Variants in PIK3C2G observed in about 807,000 individuals in gnomAD.
PIK3C2G encodes phosphatidylinositol 3-kinase C2 domain-containing subunit gamma.
Under a neutral mutation model 181.1 loss-of-function variants are expected in PIK3C2G, and 168 were observed. That is an observed-to-expected ratio of 0.93 (90% CI 0.82 to 1.05). The LOEUF (loss-of-function observed/expected upper bound fraction) is 1.05, where lower values mean the gene tolerates loss of function less well. Ranked by LOEUF, PIK3C2G falls within the 50% of genes least tolerant of loss-of-function variation. The pLI is 0.00. For missense variants in PIK3C2G, 1,869 were observed against 1,732.8 expected, an observed-to-expected ratio of 1.08 and a Z score of -1.40; for synonymous variants, 573 against 592.2, an observed-to-expected ratio of 0.97 and a Z score of 0.47.
intron 24 of PIK3C2G, among the ~76,000 whole-genome samples, chr12:18,507,169 A>G (rs1011554128): frequency 6.6e-5 from 10 of 152,098 alleles, no homozygotes; most frequent in Admixed American, 5.2e-4. Flanking sequence ...AGCTGGGACT[A>G]CAGGAGTGTG....
chr12:18,245,584 T>G (rs1565520063), upstream of PIK3C2G, among the ~76,000 whole-genome samples: 1 of 152,150 alleles, frequency 6.6e-6, no homozygotes, highest in East Asian at 1.9e-4. Flanking sequence ...TTACACATTT[T>G]ATTAATTATC....
chr12:18,711,072 G>C, the PIK3C2G span, among the ~76,000 whole-genome samples: 5 of 152,086 alleles, frequency 3.3e-5, no homozygotes, highest in African/African-American at 4.8e-5. Context: ...CTGCTATAAA[G>C]ACATATGCAC....
chr12:18,510,918 C>CA (rs773800389), intron 24 of PIK3C2G, among the ~76,000 whole-genome samples: 1 of 152,114 alleles, frequency 6.6e-6, no homozygotes, highest in Non-Finnish European at 1.5e-5. Context: ...AACTGATGGA[C>CA]AATAGATCTA....
intron 24 of PIK3C2G, among the ~76,000 whole-genome samples, chr12:18,536,011 A>T (rs1943834597): frequency 6.6e-6 from 1 of 152,056 alleles, no homozygotes; most frequent in African/African-American, 2.4e-5. Context: ...CTAATGTTAA[A>T]TGAAGAGTTA....
upstream of PIK3C2G, among the ~76,000 whole-genome samples, chr12:18,243,977 C>T (rs77288269): frequency 0.024 from 3,640 of 151,960 alleles, 75 homozygotes; most frequent in South Asian, 0.045. Flanking sequence ...TCCCTGCCTT[C>T]CAGAGCTTAT....
intron 31 of PIK3C2G, among the ~76,000 whole-genome samples, chr12:18,622,689 C>T (rs770035635): frequency 2.0e-5 from 3 of 151,754 alleles, no homozygotes; most frequent in Non-Finnish European, 4.4e-5. Flanking sequence ...ACAAGGGTTC[C>T]CTTTTCTCCA....
In PIK3C2G at chr12:18,508,087, T is replaced by A. The variant is rs1314431474; in HGVS notation, c.3323+2626T>A. ...TCATCAACCATTCAATAATTATTGATAGGATGAATGAAAATGAAGTTGCCA... is the reference window on the plus strand; with the variant it reads ...TCATCAACCATTCAATAATTATTGAAAGGATGAATGAAAATGAAGTTGCCA... On this transcript the variant is annotated intron_variant, in intron 24 of 32. Coordinates refer to ENST00000538779, the MANE Select transcript of PIK3C2G (RefSeq NM_001288772.2). Among the ~76,000 whole-genome samples the A allele has an allele frequency of 2.0e-5, 3 of 152,294 alleles. No individual in the cohort carries two copies. In the East Asian group the frequency reaches 5.8e-4, roughly 29 times the overall value.
intron 11 of PIK3C2G, among the ~76,000 whole-genome samples, chr12:18,350,590 G>A (rs1940130798): frequency 6.6e-6 from 1 of 152,100 alleles, no homozygotes; most frequent in Non-Finnish European, 1.5e-5. Flanking sequence ...GTACATGTGT[G>A]CAGTTTATGT....
intron 18 of PIK3C2G, among the ~76,000 whole-genome samples, chr12:18,449,583 G>A (rs1947233981): frequency 6.6e-6 from 1 of 152,230 alleles, no homozygotes; most frequent in African/African-American, 2.4e-5. Context: ...AGTTTGCTGA[G>A]AATGATGGTT....
At chr12:18,414,368 A>C (rs78970834) in intron 16 of PIK3C2G, among the ~76,000 whole-genome samples, 81 of 152,220 alleles carry the variant, frequency 5.3e-4, no homozygotes, top group African/African-American at 1.9e-3. Context: ...AAATTAAAGT[A>C]ATCTATGACA....
chr12:18,244,086 A>AT (rs1203941169), upstream of PIK3C2G, among the ~76,000 whole-genome samples: 6 of 152,000 alleles, frequency 3.9e-5, no homozygotes. Flanking sequence ...TAAAATAGTG[A>AT]TTAAAAATAC....
intron 18 of PIK3C2G, among the ~76,000 whole-genome samples, chr12:18,432,926 G>C (rs941044458): frequency 6.6e-6 from 1 of 151,556 alleles, no homozygotes; most frequent in Non-Finnish European, 1.5e-5. Context: ...GAAGAATTCA[G>C]GAAATGTTTG....
chr12:18,396,190 A>G (rs961997665), intron 15 of PIK3C2G, among the ~76,000 whole-genome samples: 3 of 151,628 alleles, frequency 2.0e-5, no homozygotes, highest in African/African-American at 7.3e-5. Flanking sequence ...ATAAGCATTT[A>G]TATATAAGCA....
intron 18 of PIK3C2G, among the ~76,000 whole-genome samples, chr12:18,483,416 A>G (rs942762291): frequency 4.6e-5 from 7 of 152,354 alleles, no homozygotes; most frequent in African/African-American, 1.7e-4. Context: ...GTCAAGAAGT[A>G]TGTTAGTAGT....
intron 22 of PIK3C2G, among the ~76,000 whole-genome samples, chr12:18,500,670 G>A (rs549128670): frequency 9.9e-5 from 15 of 152,222 alleles, no homozygotes; most frequent in Middle Eastern, 3.4e-3. Context: ...ACCAATCAGC[G>A]CCGTGTCAAA....
intron 30 of PIK3C2G, among the ~76,000 whole-genome samples, chr12:18,598,570 T>C (rs1290189909): frequency 4.0e-5 from 6 of 151,428 alleles, no homozygotes. Flanking sequence ...GGCATTACCA[T>C]TCAGGACATA....
chr12:18,661,434 C>G, the PIK3C2G span, among the ~76,000 whole-genome samples: 2 of 152,050 alleles, frequency 1.3e-5, no homozygotes, highest in South Asian at 4.2e-4. Context: ...CATAAAAAGG[C>G]CTTTTCGTAG....
intron 1 of PIK3C2G, among the ~76,000 whole-genome samples, chr12:18,272,893 T>C (rs1948802456): frequency 6.6e-6 from 1 of 152,110 alleles, no homozygotes; most frequent in Non-Finnish European, 1.5e-5. Context: ...GTAATGATGT[T>C]CCAGTACCAC....
rs557640171 is a variant in PIK3C2G, at chr12:18,460,030, G to T, written c.2505-28419G>T. On this transcript the variant is annotated intron_variant, in intron 18 of 32. Transcript: ENST00000538779. Reference sequence around the variant, plus strand: ...GATGCCCGCCTCGGCCTCCCAAAGTGCTGGGATTACAGGCGTGAGCCATCG... The same window carrying T: ...GATGCCCGCCTCGGCCTCCCAAAGTTCTGGGATTACAGGCGTGAGCCATCG... Among the ~76,000 whole-genome samples the T allele has an allele frequency of 5.1e-4, 78 of 152,252 alleles. 1 individual carries two copies. Among genetic ancestry groups the T allele is most frequent in the African/African-American group, 1.9e-3 (78 of 41,564 alleles).
Sources: allele counts gnomAD v4.1 joint callset (sites outside exome capture counted in the v4.1 genomes callset), GRCh38; gene constraint gnomAD v4.1.1; transcripts MANE v1.5; gene names NCBI Gene and HGNC (gene_info 2026-07-23, HGNC 2026-07-21).